The following RBMS3 variants were observed in gnomAD, a reference collection of about 807,000 sequenced individuals.
RBMS3 encodes the protein RNA binding motif single stranded interacting protein 3.
In RBMS3, 27 loss-of-function variants were observed where a neutral mutation model predicts 66.8. That is an observed-to-expected ratio of 0.40 (90% CI 0.30 to 0.56). RBMS3 has a LOEUF of 0.56. Among genes scored for constraint, RBMS3 ranks in the 20% least tolerant of loss-of-function variants. The pLI is 0.40. For missense variants in RBMS3, 513 were observed against 549.5 expected, an observed-to-expected ratio of 0.93 and a Z score of 0.66; for synonymous variants, 188 against 183.0, an observed-to-expected ratio of 1.03 and a Z score of -0.22.
At chr3:29,351,625 T>C (rs1438817624) in intron 1 of RBMS3, among the ~76,000 whole-genome samples, 3 of 152,058 alleles carry the variant, frequency 2.0e-5, no homozygotes, top group Non-Finnish European at 4.4e-5. Context: ...AAAATACATA[T>C]GTATTTGATA....
At chr3:29,530,887 G>T (rs983721264) in intron 3 of RBMS3, among the ~76,000 whole-genome samples, 5 of 150,162 alleles carry the variant, frequency 3.3e-5, no homozygotes, top group African/African-American at 1.2e-4. Flanking sequence ...AAAAAAAAAA[G>T]TGTTTCAATG....
At chr3:29,855,846 A>AT (rs1235413167) in intron 6 of RBMS3, among the ~76,000 whole-genome samples, 1 of 152,194 alleles carries the variant, frequency 6.6e-6, no homozygotes, top group Non-Finnish European at 1.5e-5. Context: ...GTGCAGGTGC[A>AT]TGCATGTGTG....
intron 1 of RBMS3, among the ~76,000 whole-genome samples, chr3:29,418,000 T>C (rs572594603): frequency 1.8e-4 from 27 of 152,084 alleles, no homozygotes; most frequent in African/African-American, 6.5e-4. Context: ...GCTTGTATAA[T>C]AGGCAAAATT....
intron 2 of RBMS3, among the ~76,000 whole-genome samples, chr3:29,473,359 A>G (rs77991435): frequency 0.16 from 20,427 of 127,726 alleles, 1,794 homozygotes; most frequent in East Asian, 0.29. Flanking sequence ...GATACAGAGT[A>G]TCGATTGGTG....
rs1699905090 is a variant in RBMS3 at position 30,009,621 on chromosome 3, T to A, written c.*5759T>A. On this transcript the variant is annotated 3_prime_UTR_variant, in exon 15 of 15. Coordinates refer to ENST00000383767, the MANE Select transcript of RBMS3 (RefSeq NM_001003793.3). Reference sequence around the variant, plus strand: ...CAACACGACTTCTGCAATGAGAGTATAACGGTAGCTCTTGGTACAGTCATA... The same window carrying A: ...CAACACGACTTCTGCAATGAGAGTAAAACGGTAGCTCTTGGTACAGTCATA... 1 of 152,190 alleles carries A rather than the reference T, an allele frequency of 6.6e-6. No homozygotes were observed. Among genetic ancestry groups the A allele is most frequent in the Non-Finnish European group, 1.5e-5 (1 of 68,028 alleles). The allele number at this position is 152,190 out of a possible 1,614,324, so 9.4% of individuals were successfully genotyped here. A position where few individuals can be genotyped will look rare whatever the true frequency, so the allele number is the denominator to read the frequency against.
At chr3:29,425,201 A>C (rs867113654) in intron 1 of RBMS3, among the ~76,000 whole-genome samples, 178 of 102,506 alleles carry the variant, frequency 1.7e-3, no homozygotes, top group African/African-American at 5.7e-3. Flanking sequence ...AAAAAAAAAA[A>C]CCCCCCAAAA....
intron 6 of RBMS3, among the ~76,000 whole-genome samples, chr3:29,813,439 C>T (rs1477750859): frequency 6.6e-6 from 1 of 152,082 alleles, no homozygotes; most frequent in Non-Finnish European, 1.5e-5. Flanking sequence ...TCTCTTTTGG[C>T]TTAGGATTGA....
At chr3:29,736,911 G>C (rs2054404541) in intron 4 of RBMS3, among the ~76,000 whole-genome samples, 1 of 152,034 alleles carries the variant, frequency 6.6e-6, no homozygotes, top group Admixed American at 6.6e-5. Flanking sequence ...ACATGAGTTT[G>C]TTCACTGTTT....
intron 9 of RBMS3, among the ~76,000 whole-genome samples, chr3:29,898,849 G>A (rs1439043318): frequency 6.6e-6 from 1 of 151,202 alleles, no homozygotes; most frequent in East Asian, 2.0e-4. Context: ...TTGGTGACAT[G>A]AATAAAATAT....
chr3:29,874,207 G>A lies in RBMS3; in HGVS notation c.744+5243G>A, dbSNP rs77457407. Among the ~76,000 whole-genome samples the A allele has an allele frequency of 4.1e-3, 619 of 152,218 alleles. 3 individuals carry two copies. Among genetic ancestry groups the A allele is most frequent in the African/African-American group, 0.014 (588 of 41,526 alleles). On this transcript the variant is annotated intron_variant, in intron 7 of 14. Transcript: ENST00000383767. ...TTTCTATTAGCTTTGAAGGCATATG[G>A]GGTGCAATTGAATTTTATAATACTG...
intron 3 of RBMS3, among the ~76,000 whole-genome samples, chr3:29,566,356 G>A (rs543566906): frequency 6.6e-6 from 1 of 152,212 alleles, no homozygotes; most frequent in Admixed American, 6.5e-5. Flanking sequence ...AACAGCAGGT[G>A]CAAAAGCCTC....
chr3:29,480,329 C>G (rs1035708579), intron 2 of RBMS3, among the ~76,000 whole-genome samples: 2 of 152,164 alleles, frequency 1.3e-5, no homozygotes, highest in African/African-American at 4.8e-5. Flanking sequence ...ATGCACATTA[C>G]ATTTTGAGAA....
intron 2 of RBMS3, among the ~76,000 whole-genome samples, chr3:29,479,721 T>A (rs984278008): frequency 6.6e-6 from 1 of 152,220 alleles, no homozygotes; most frequent in Admixed American, 6.5e-5. Flanking sequence ...TTCTTCAGGC[T>A]CAGTCAGCTT....
At chr3:29,392,809 C>A (rs900604840) in intron 1 of RBMS3, among the ~76,000 whole-genome samples, 8 of 151,994 alleles carry the variant, frequency 5.3e-5, no homozygotes, top group African/African-American at 1.9e-4. Context: ...AGAAGAGAAT[C>A]CACTGCTATG....
chr3:29,818,453 G>A (rs2057981415), intron 6 of RBMS3, among the ~76,000 whole-genome samples: 1 of 150,826 alleles, frequency 6.6e-6, no homozygotes, highest in African/African-American at 2.4e-5. Context: ...GATATTGCTT[G>A]ACCCCACTGA....
At chr3:29,853,851 C>A (rs1358489255) in intron 6 of RBMS3, among the ~76,000 whole-genome samples, 1 of 152,060 alleles carries the variant, frequency 6.6e-6, no homozygotes, top group Non-Finnish European at 1.5e-5. Context: ...GTCTCCACCC[C>A]CTGAAACCTG....
chr3:29,784,252 T>C (rs1016490242), intron 6 of RBMS3, among the ~76,000 whole-genome samples: 3 of 152,130 alleles, frequency 2.0e-5, no homozygotes, highest in Non-Finnish European at 2.9e-5. Flanking sequence ...TACATTCTAT[T>C]CATCAGCACA....
intron 10 of RBMS3, among the ~76,000 whole-genome samples, chr3:29,925,821 A>G (rs1449282): frequency 0.87 from 133,082 of 152,168 alleles, 58,308 homozygotes; most frequent in East Asian, 0.99. Context: ...GCCATACGTT[A>G]AGAAACAAGG....
intron 11 of RBMS3, among the ~76,000 whole-genome samples, chr3:29,943,202 A>G (rs1268624105): frequency 6.6e-6 from 1 of 151,762 alleles, no homozygotes; most frequent in East Asian, 1.9e-4. Flanking sequence ...AAAATTTGGG[A>G]TTTTTGCTTT....
Sources: gnomAD v4.1 joint callset for allele counts (sites outside exome capture counted in the v4.1 genomes callset) on GRCh38, gnomAD v4.1.1 for gene constraint, MANE v1.5 for transcripts, NCBI Gene and HGNC (gene_info 2026-07-23, HGNC 2026-07-21) for gene names.